Variants in USP24 observed in about 807,000 individuals in gnomAD.
USP24 encodes the protein ubiquitin specific peptidase 24.
A neutral mutation model predicts 361.6 loss-of-function variants in USP24; 97 were observed. The observed-to-expected ratio is 0.27, with a 90% CI of 0.23 to 0.32. USP24 has a LOEUF of 0.32. Among genes scored for constraint, USP24 ranks in the 10% least tolerant of loss-of-function variants. The probability of loss-of-function intolerance (pLI) is 1.00; values close to 1 mark genes in which losing one functional copy is unlikely to be tolerated. For synonymous variants in USP24, 1,098 were observed against 1,124.6 expected (o/e 0.98, Z 0.47); for missense variants, 2,353 against 3,165.6 (o/e 0.74, Z 6.16).
At chr1:55,093,481 T>C (rs74787363) in intron 52 of USP24, 10,757 of 158,820 alleles carry the variant, frequency 0.068, 520 homozygotes, top group African/African-American at 0.14. Flanking sequence ...TACTGCATAA[T>C]AATCTTTTAC....
At chr1:55,214,229 C>G (rs577244998) in intron 1 of USP24, among the ~76,000 whole-genome samples, 10 of 151,908 alleles carry the variant, frequency 6.6e-5, no homozygotes, top group Non-Finnish European at 1.5e-4. Context: ...TGGCTAAAAC[C>G]CCAACCTCAC....
At chr1:55,142,874 A>T in intron 22 of USP24, 79 bp from the exon 23 acceptor site, 1 of 1,430,422 alleles carries the variant, frequency 7.0e-7, no homozygotes, top group Non-Finnish European at 9.4e-7. Flanking sequence ...ATCAAAATAA[A>T]GAAGCCAATT....
In USP24 at chr1:55,104,005, A is replaced by G. The variant is rs1645708270; in HGVS notation, c.4896T>C (p.Asn1632=). 3.7e-6 allele frequency: 6 copies of G among 1,609,356 alleles called. No homozygotes were observed. The highest frequency in any genetic ancestry group is 5.1e-6 in the Non-Finnish European group (6 of 1,177,682). Residue 1632 remains asparagine (N), a synonymous_variant, in exon 42 of 68, where the codon AAT becomes AAC. Coordinates refer to ENST00000294383, the MANE Select transcript of USP24 (RefSeq NM_015306.3). ...GGACTTCATAGGCTGCCAATCGGCT[A>G]TTCGCTGTACTACACCTAGAAACAA... ...QDFHPKCSTA[N]SRLAAYEVLV...
chr1:55,209,677 C>A (rs952760245), intron 1 of USP24, among the ~76,000 whole-genome samples: 12 of 152,110 alleles, frequency 7.9e-5, no homozygotes, highest in Admixed American at 7.2e-4. Flanking sequence ...AGCTTTAGTG[C>A]ACTTAGAGCG....
At chr1:55,124,998 T>G (rs1646386008) in intron 34 of USP24, among the ~76,000 whole-genome samples, 1 of 152,198 alleles carries the variant, frequency 6.6e-6, no homozygotes. Context: ...TCTCTGTATA[T>G]CTAATCCTCA....
At chr1:55,145,132 T>C (rs920599135) in intron 20 of USP24, among the ~76,000 whole-genome samples, 6 of 152,242 alleles carry the variant, frequency 3.9e-5, no homozygotes, top group Admixed American at 3.9e-4. Flanking sequence ...GTTAATTATA[T>C]GTCAGAACAA....
At chr1:55,148,993 A>G (rs901608367) in intron 16 of USP24, among the ~76,000 whole-genome samples, 1 of 152,236 alleles carries the variant, frequency 6.6e-6, no homozygotes, top group African/African-American at 2.4e-5. Flanking sequence ...TTCTATGATT[A>G]TATGACTAGG....
intron 1 of USP24, among the ~76,000 whole-genome samples, chr1:55,186,294 G>A (rs1236197473): frequency 6.6e-6 from 1 of 152,184 alleles, no homozygotes; most frequent in Non-Finnish European, 1.5e-5. Context: ...GTAAGGATGT[G>A]GGGAAACTGG....
chr1:55,185,044 A>ACCT (rs1644090561), intron 1 of USP24, among the ~76,000 whole-genome samples: 1 of 151,784 alleles, frequency 6.6e-6, no homozygotes, highest in African/African-American at 2.4e-5. Context: ...TGCAGCCTTG[A>ACCT]CCTCCAGGGC....
intron 10 of USP24, among the ~76,000 whole-genome samples, chr1:55,157,970 T>C (rs1224803672): frequency 1.3e-5 from 2 of 152,060 alleles, no homozygotes; most frequent in African/African-American, 4.8e-5. Context: ...GTGGAAAGTA[T>C]ACAGAAGTGT....
intron 7 of USP24, among the ~76,000 whole-genome samples, chr1:55,165,411 C>G (rs1395182720): frequency 6.6e-6 from 1 of 152,018 alleles, no homozygotes; most frequent in African/African-American, 2.4e-5. Context: ...GAACACTGCA[C>G]CTGATGATTC....
chr1:55,113,867 C>T (rs1646026989), intron 38 of USP24, among the ~76,000 whole-genome samples: 2 of 152,324 alleles, frequency 1.3e-5, no homozygotes, highest in Admixed American at 1.3e-4. Context: ...AGGATGACCT[C>T]TCTCATCACT....
chr1:55,105,851 A>G (rs1228382709), intron 41 of USP24, among the ~76,000 whole-genome samples: 2 of 152,186 alleles, frequency 1.3e-5, no homozygotes, highest in Non-Finnish European at 2.9e-5. Flanking sequence ...TACTTTCGAC[A>G]TAATTTTTAT....
intron 1 of USP24, among the ~76,000 whole-genome samples, chr1:55,196,794 G>A (rs1159855648): frequency 6.6e-6 from 1 of 152,198 alleles, no homozygotes; most frequent in Non-Finnish European, 1.5e-5. Flanking sequence ...AAGTTATCGT[G>A]ACAGTTGCCT....
At chr1:55,185,924 C>G (rs901503256) in intron 1 of USP24, among the ~76,000 whole-genome samples, 3 of 152,126 alleles carry the variant, frequency 2.0e-5, no homozygotes, top group African/African-American at 7.2e-5. Context: ...ATACTACTAA[C>G]AAATGTATGC....
intron 1 of USP24, among the ~76,000 whole-genome samples, chr1:55,199,622 T>TGAGAGAGA (rs1409664880): frequency 5.4e-5 from 6 of 111,554 alleles, no homozygotes; most frequent in South Asian, 2.9e-4. Flanking sequence ...TGTGTGTGTG[T>TGAGAGAGA]GAGAGAGAGA....
At chr1:55,194,430 C>T (rs1644365639) in intron 1 of USP24, among the ~76,000 whole-genome samples, 1 of 152,116 alleles carries the variant, frequency 6.6e-6, no homozygotes, top group Non-Finnish European at 1.5e-5. Flanking sequence ...CTACAACACA[C>T]AGCAACATAA....
chr1:55,166,682 T>A (rs1648901158), intron 5 of USP24, 79 bp from the exon 6 acceptor site: 30 of 1,315,152 alleles, frequency 2.3e-5, no homozygotes, highest in Admixed American at 2.8e-5. Flanking sequence ...TTATCCTAAA[T>A]GAAAAGTCAG....
chr1:55,103,437 A>T (rs1372811009), intron 42 of USP24, among the ~76,000 whole-genome samples: 1 of 152,040 alleles, frequency 6.6e-6, no homozygotes, highest in Non-Finnish European at 1.5e-5. Context: ...CTGGGATCCT[A>T]TTTTCATTTT....
Sources: gnomAD v4.1 joint callset for allele counts (sites outside exome capture counted in the v4.1 genomes callset) on GRCh38, gnomAD v4.1.1 for gene constraint, MANE v1.5 for transcripts, NCBI Gene and HGNC (gene_info 2026-07-23, HGNC 2026-07-21) for gene names.